The following DLGAP2 variants were observed in gnomAD, a reference collection of about 807,000 sequenced individuals.
DLGAP2 encodes DLG associated protein 2.
A neutral mutation model predicts 100.3 loss-of-function variants in DLGAP2; 26 were observed. The observed-to-expected ratio is 0.26, with a 90% CI of 0.19 to 0.36. The LOEUF is 0.36. Ranked by LOEUF, DLGAP2 falls within the 10% of genes least tolerant of loss-of-function variation. The probability of loss-of-function intolerance (pLI) is 1.00; values close to 1 mark genes in which losing one functional copy is unlikely to be tolerated. For synonymous variants in DLGAP2, 886 were observed against 630.1 expected, an observed-to-expected ratio of 1.41 and a Z score of -6.08; for missense variants, 1,858 against 1,453.2, an observed-to-expected ratio of 1.28 and a Z score of -4.53.
chr8:773,968 T>A (rs1457802489), intron 1 of DLGAP2, among the ~76,000 whole-genome samples: 1 of 152,222 alleles, frequency 6.6e-6, no homozygotes, highest in Non-Finnish European at 1.5e-5. Flanking sequence ...CCACTAACAG[T>A]GTAAAAGTGT....
In DLGAP2 at chr8:1,678,490, G is replaced by A. The variant is rs768563314; in HGVS notation, c.2565G>A (p.Thr855=). 1.9e-5 allele frequency: 30 copies of A among 1,612,652 alleles called. No homozygotes were observed. Among genetic ancestry groups the A allele is most frequent in the South Asian group, 5.5e-5 (5 of 90,880 alleles). The change falls in exon 12 of 15, where the codon ACG becomes ACA. Residue 855 remains threonine (T), a synonymous_variant. Transcript: ENST00000637795. Reference sequence around the variant, plus strand: ...CCTGGCTGGAGCCCGCCATCGACACGGTAGAGACTGGGAGGATGTCTCCGT... The same window carrying A: ...CCTGGCTGGAGCCCGCCATCGACACAGTAGAGACTGGGAGGATGTCTCCGT... ...PDPWLEPAID[T]VETGRMSPCR... is the part of the protein sequence containing the mutation.
chr8:1,687,868 C>G (rs905828724), intron 12 of DLGAP2, among the ~76,000 whole-genome samples: 3 of 152,232 alleles, frequency 2.0e-5, no homozygotes, highest in Non-Finnish European at 2.9e-5. Flanking sequence ...TATATTTCTG[C>G]AGCAACGACT....
At chr8:1,429,890 G>C (rs765650678) in intron 3 of DLGAP2, among the ~76,000 whole-genome samples, 50 of 149,796 alleles carry the variant, frequency 3.3e-4, no homozygotes, top group African/African-American at 1.2e-3. Flanking sequence ...GAGTCAAGCC[G>C]ATGCTCAGAA....
At chr8:1,562,928 A>C in intron 5 of DLGAP2, among the ~76,000 whole-genome samples, 1 of 69,072 alleles carries the variant, frequency 1.4e-5, no homozygotes, top group African/African-American at 6.9e-5. Context: ...GTGCCTCGTT[A>C]CTGCGGGGAC....
intron 4 of DLGAP2, among the ~76,000 whole-genome samples, chr8:1,501,682 T>C (rs1371656270): frequency 6.6e-6 from 1 of 152,228 alleles, no homozygotes; most frequent in Non-Finnish European, 1.5e-5. Flanking sequence ...AAACGATGCA[T>C]GTCTCCAGAG....
At chr8:1,674,970 A>T (rs1798775648) in intron 10 of DLGAP2, among the ~76,000 whole-genome samples, 1 of 152,234 alleles carries the variant, frequency 6.6e-6, no homozygotes, top group Admixed American at 6.5e-5. Flanking sequence ...GGTTTAATAA[A>T]GTCGTGACCC....
rs1456463947 is a variant in DLGAP2 at position 1,227,651 on chromosome 8, C to G, written c.74-31200C>G. 2.6e-5 allele frequency among the ~76,000 whole-genome samples: 4 copies of G among 151,816 alleles called. No homozygotes were observed. In the East Asian group the frequency reaches 5.8e-4, roughly 22 times the overall value. ...GCGGATGGACCTGGAGGCCGTTATG[C>G]TAAATGAAATAAGGCAGACACAGGA... On this transcript the variant is annotated intron_variant, in intron 2 of 14. Coordinates refer to ENST00000637795, the MANE Select transcript of DLGAP2 (RefSeq NM_001346810.2).
rs368150734 is a variant in DLGAP2 at position 1,216,499 on chromosome 8, A to T, written c.74-42352A>T. Among the ~76,000 whole-genome samples, 45 of 147,970 alleles carry T rather than the reference A, an allele frequency of 3.0e-4. No individual in the cohort carries two copies. In the East Asian group the frequency reaches 7.6e-3, roughly 25 times the overall value. ...ACGTATGTGCCACCATGCCTGGCTAATTTTTTTTTTCAATTTTTTTACAGA... is the reference window on the plus strand; with the variant it reads ...ACGTATGTGCCACCATGCCTGGCTATTTTTTTTTTTCAATTTTTTTACAGA... On this transcript the variant is annotated intron_variant, in intron 2 of 14. Transcript: ENST00000637795.
At chr8:1,680,560 G>T (rs1312243457) in intron 12 of DLGAP2, 1 of 152,236 alleles carries the variant, frequency 6.6e-6, no homozygotes, top group African/African-American at 2.4e-5. Flanking sequence ...GGTGACGATG[G>T]ACGCCGAATG....
intron 2 of DLGAP2, among the ~76,000 whole-genome samples, chr8:1,118,985 C>T (rs1051434354): frequency 1.3e-5 from 2 of 152,160 alleles, no homozygotes; most frequent in African/African-American, 2.4e-5. Context: ...TTTATTTAAG[C>T]ATAACTGTGG....
At chr8:1,666,269 TTGTC>T (rs1457196891) in intron 8 of DLGAP2, among the ~76,000 whole-genome samples, 2 of 150,530 alleles carry the variant, frequency 1.3e-5, no homozygotes, top group African/African-American at 2.5e-5. Flanking sequence ...TTTTGAATGT[TTGTC>T]TGGTAAAAGA....
intron 1 of DLGAP2, among the ~76,000 whole-genome samples, chr8:887,489 G>T (rs1047332356): frequency 1.3e-5 from 2 of 152,174 alleles, no homozygotes; most frequent in Non-Finnish European, 2.9e-5. Flanking sequence ...ATATTTTGGT[G>T]TGTTTTTGCA....
chr8:887,888 C>G (rs954015901), intron 1 of DLGAP2, among the ~76,000 whole-genome samples: 9 of 152,090 alleles, frequency 5.9e-5, no homozygotes, highest in African/African-American at 9.7e-5. Flanking sequence ...TAATGGTGTT[C>G]TCTGTATTTC....
At chr8:1,494,920 A>G (rs900864193) in intron 3 of DLGAP2, among the ~76,000 whole-genome samples, 2 of 152,172 alleles carry the variant, frequency 1.3e-5, no homozygotes, top group Non-Finnish European at 2.9e-5. Context: ...GCATCCACAG[A>G]ACTAGAGATG....
chr8:1,158,093 A>T (rs993845692), intron 2 of DLGAP2, among the ~76,000 whole-genome samples: 1 of 152,224 alleles, frequency 6.6e-6, no homozygotes, highest in Non-Finnish European at 1.5e-5. Flanking sequence ...GTTCTGCCTG[A>T]GCATTTAGTT....
intron 3 of DLGAP2, among the ~76,000 whole-genome samples, chr8:1,356,958 G>A (rs1449452806): frequency 6.6e-6 from 1 of 152,236 alleles, no homozygotes; most frequent in Non-Finnish European, 1.5e-5. Flanking sequence ...GCGAGCAGCT[G>A]CGAGGGCTGA....
At chr8:750,416 G>A (rs1820761709) in intron 1 of DLGAP2, among the ~76,000 whole-genome samples, 1 of 152,178 alleles carries the variant, frequency 6.6e-6, no homozygotes, top group Non-Finnish European at 1.5e-5. Flanking sequence ...ATGTCTACAG[G>A]AATAAAATCA....
chr8:1,473,958 A>G (rs1411189408), intron 3 of DLGAP2, among the ~76,000 whole-genome samples: 1 of 152,132 alleles, frequency 6.6e-6, no homozygotes, highest in East Asian at 1.9e-4. Flanking sequence ...AGTCTTGTAT[A>G]TGTCTTCATC....
chr8:1,036,433 C>G (rs1159505615), intron 2 of DLGAP2, among the ~76,000 whole-genome samples: 1 of 152,216 alleles, frequency 6.6e-6, no homozygotes, highest in Non-Finnish European at 1.5e-5. Context: ...AGGCTTTTGT[C>G]CAGGGGACCC....
Sources: allele counts gnomAD v4.1 joint callset (sites outside exome capture counted in the v4.1 genomes callset), GRCh38; gene constraint gnomAD v4.1.1; transcripts MANE v1.5; gene names NCBI Gene and HGNC (gene_info 2026-07-23, HGNC 2026-07-21).